The following VPS13B variants were observed in gnomAD, a reference collection of about 807,000 sequenced individuals.
VPS13B encodes the protein intermembrane lipid transfer protein VPS13B.
A neutral mutation model predicts 426.4 loss-of-function variants in VPS13B; 285 were observed. The observed-to-expected ratio is 0.67, with a 90% CI of 0.61 to 0.74. VPS13B has a LOEUF of 0.74. VPS13B is among the 30% of genes least tolerant of loss of function. The pLI is 0.00. For synonymous variants in VPS13B, 1,676 were observed against 1,676.4 expected, an observed-to-expected ratio of 1.00 and a Z score of 0.01; for missense variants, 4,537 against 4,782.6, an observed-to-expected ratio of 0.95 and a Z score of 1.51.
intron 19 of VPS13B, among the ~76,000 whole-genome samples, chr8:99,287,640 T>C (rs1819518177): frequency 6.6e-6 from 1 of 151,790 alleles, no homozygotes; most frequent in Non-Finnish European, 1.5e-5. Flanking sequence ...TATAGATAAA[T>C]AATAAAAATG....
chr8:99,074,467 C>G (rs1416228972), intron 3 of VPS13B, among the ~76,000 whole-genome samples: 4 of 149,932 alleles, frequency 2.7e-5, no homozygotes, highest in Non-Finnish European at 5.9e-5. Context: ...GAGATCGCAC[C>G]ACTGCACTCC....
intron 19 of VPS13B, among the ~76,000 whole-genome samples, chr8:99,363,905 T>G (rs896198220): frequency 1.3e-5 from 2 of 152,238 alleles, no homozygotes; most frequent in Non-Finnish European, 2.9e-5. Context: ...TCATATCATC[T>G]GCAAACAATG....
chr8:99,163,167 C>T (rs932658389), intron 15 of VPS13B, among the ~76,000 whole-genome samples: 8 of 152,060 alleles, frequency 5.3e-5, no homozygotes, highest in African/African-American at 1.9e-4. Context: ...CTGAGCTAGA[C>T]ATAAAGGTTC....
rs537377017 is a variant in VPS13B, at chr8:99,131,526, A to G, written c.1207-3106A>G. ...CCACCACAATAAAGCGAATATAGCA[A>G]TAAAGCGAGTCACAGAAATTTTTTG... On this transcript the variant is annotated intron_variant, in intron 8 of 61. Transcript: ENST00000357162. Among the ~76,000 whole-genome samples the G allele has an allele frequency of 5.3e-5, 8 of 152,376 alleles. No homozygotes were observed. The South Asian group carries it at 1.4e-3, about 28-fold the overall frequency.
intron 33 of VPS13B, among the ~76,000 whole-genome samples, chr8:99,597,142 TAAAC>T (rs1305916419): frequency 6.6e-6 from 1 of 152,036 alleles, no homozygotes; most frequent in Non-Finnish European, 1.5e-5. Context: ...TTTCTTTAGG[TAAAC>T]AATAGTTTCC....
At chr8:99,543,017 C>A (rs1028431696) in intron 30 of VPS13B, among the ~76,000 whole-genome samples, 65 of 152,142 alleles carry the variant, frequency 4.3e-4, no homozygotes, top group African/African-American at 1.3e-3. Flanking sequence ...AATCCTGAGC[C>A]AAAAGAACAA....
chr8:99,036,905 C>G (rs113193704), intron 2 of VPS13B, among the ~76,000 whole-genome samples: 67 of 152,196 alleles, frequency 4.4e-4, no homozygotes, highest in African/African-American at 1.4e-3. Flanking sequence ...ATTGCCATGG[C>G]TGTGGAATAA....
intron 30 of VPS13B, among the ~76,000 whole-genome samples, chr8:99,550,165 G>A (rs1824202907): frequency 6.6e-6 from 1 of 152,048 alleles, no homozygotes; most frequent in African/African-American, 2.4e-5. Flanking sequence ...TGTTTTGATA[G>A]GAGAATATAA....
chr8:99,400,925 G>A (rs538154957), intron 21 of VPS13B, among the ~76,000 whole-genome samples: 47 of 152,304 alleles, frequency 3.1e-4, no homozygotes, highest in Non-Finnish European at 4.7e-4. Flanking sequence ...GTCCATCTCG[G>A]CCTCCCAAAG....
At chr8:99,310,662 T>C (rs1305186941) in intron 19 of VPS13B, among the ~76,000 whole-genome samples, 4 of 152,202 alleles carry the variant, frequency 2.6e-5, no homozygotes, top group Non-Finnish European at 4.4e-5. Flanking sequence ...TTTTGTTGTG[T>C]CTATTCCAGT....
At chr8:99,482,287 A>AT (rs1369221273) in intron 25 of VPS13B, among the ~76,000 whole-genome samples, 2 of 152,130 alleles carry the variant, frequency 1.3e-5, no homozygotes, top group African/African-American at 2.4e-5. Context: ...CTAACCTAGC[A>AT]TGCCAGTACC....
intron 35 of VPS13B, among the ~76,000 whole-genome samples, chr8:99,671,677 T>C (rs1830721941): frequency 6.6e-6 from 1 of 152,058 alleles, no homozygotes; most frequent in African/African-American, 2.4e-5. Flanking sequence ...GATTTTTGAG[T>C]GACGGAGTCT....
intron 30 of VPS13B, among the ~76,000 whole-genome samples, chr8:99,523,582 G>A (rs1375241067): frequency 6.6e-6 from 1 of 152,188 alleles, no homozygotes; most frequent in African/African-American, 2.4e-5. Flanking sequence ...GTCTTTGCCT[G>A]GTAATTCAGA....
At chr8:99,680,841 A>G (rs559878659) in intron 35 of VPS13B, among the ~76,000 whole-genome samples, 1 of 152,174 alleles carries the variant, frequency 6.6e-6, no homozygotes, top group Non-Finnish European at 1.5e-5. Flanking sequence ...CCTGTAAAAC[A>G]TTATTCTTTA....
chr8:99,041,853 CAAAAA>C (rs766715821), intron 3 of VPS13B, among the ~76,000 whole-genome samples: 1 of 68,916 alleles, frequency 1.5e-5, no homozygotes, highest in Non-Finnish European at 3.0e-5. Flanking sequence ...ACTCTGTCTC[CAAAAA>C]AAAAAAAAAA....
intron 2 of VPS13B, among the ~76,000 whole-genome samples, chr8:99,024,223 A>C (rs1330509704): frequency 6.6e-6 from 1 of 152,212 alleles, no homozygotes; most frequent in African/African-American, 2.4e-5. Context: ...GTCTACTCAG[A>C]GCAATTGCCT....
chr8:99,361,121 TAC>T (rs1563687831), intron 19 of VPS13B, among the ~76,000 whole-genome samples: 1 of 152,186 alleles, frequency 6.6e-6, no homozygotes, highest in Non-Finnish European at 1.5e-5. Context: ...ATGAAGATAA[TAC>T]CTGGCACATG....
intron 23 of VPS13B, 54 bp downstream of exon 23, chr8:99,442,689 A>G: frequency 6.5e-7 from 1 of 1,542,848 alleles, no homozygotes; most frequent in Non-Finnish European, 8.9e-7. Flanking sequence ...ACATTTTTAG[A>G]TTTGTTGGTG....
At chr8:99,507,759 A>C in intron 28 of VPS13B, 1 of 1,613,970 alleles carries the variant, frequency 6.2e-7, no homozygotes, top group Non-Finnish European at 8.5e-7. Context: ...GCTCCTGTCC[A>C]TCACTTCAAG....
Sources: gnomAD v4.1 joint callset for allele counts (sites outside exome capture counted in the v4.1 genomes callset) on GRCh38, gnomAD v4.1.1 for gene constraint, MANE v1.5 for transcripts, NCBI Gene and HGNC (gene_info 2026-07-23, HGNC 2026-07-21) for gene names.